The following KIF1B variants were observed in gnomAD, a reference collection of about 807,000 sequenced individuals.
KIF1B encodes kinesin family member 1B, also known as kinesin-like protein KIF1B.
In KIF1B, 76 loss-of-function variants were observed where a neutral mutation model predicts 241.9. The ratio of observed to expected loss-of-function variants is 0.31; its 90% CI spans 0.26 to 0.38. The LOEUF is 0.38. Among genes scored for constraint, KIF1B ranks in the 10% least tolerant of loss-of-function variants. The probability of loss-of-function intolerance (pLI) is 1.00; values close to 1 mark genes in which losing one functional copy is unlikely to be tolerated. For missense variants in KIF1B, 1,622 were observed against 2,271.4 expected (o/e 0.71, Z 5.81); for synonymous variants, 750 against 796.7 (o/e 0.94, Z 0.99).
intron 4 of KIF1B, among the ~76,000 whole-genome samples, chr1:10,260,605 C>A (rs1010609034): frequency 6.6e-6 from 1 of 152,164 alleles, no homozygotes; most frequent in Non-Finnish European, 1.5e-5. Context: ...TGGCTCATGC[C>A]TGTAATCCCA....
At chr1:10,371,073 C>A (rs1638718876) in intron 44 of KIF1B, 68 bp from the exon 45 acceptor site, 1 of 1,600,462 alleles carries the variant, frequency 6.2e-7, no homozygotes, top group Non-Finnish European at 8.6e-7. Flanking sequence ...TGTTGAAACT[C>A]CCTATTGTTA....
intron 45 of KIF1B, among the ~76,000 whole-genome samples, chr1:10,371,982 A>G (rs1638746130): frequency 6.6e-6 from 1 of 152,166 alleles, no homozygotes; most frequent in Admixed American, 6.5e-5. Flanking sequence ...TCCATGATTC[A>G]TCATCATAAT....
intron 16 of KIF1B, 134 bp downstream of exon 16, chr1:10,291,295 T>G: frequency 1.5e-6 from 1 of 658,018 alleles, no homozygotes; most frequent in Middle Eastern, 4.1e-4. Flanking sequence ...ACCAAAAAAA[T>G]GGACAGGGAT....
At position 10,365,005 on chromosome 1, in the gene KIF1B, C is replaced by CA. The variant is rs57088720; in HGVS notation, c.4367-79dup. On this transcript the variant is annotated intron_variant, in intron 41 of 48. Coordinates refer to ENST00000676179, the MANE Select transcript of KIF1B (RefSeq NM_001365951.3). The surrounding 1 kb of genome is among the most constrained non-coding windows in gnomAD (Gnocchi z 4.0). ...TGGGCAACAGAGCGAGACTCCATCT[C>CA]AAAAAAAAAAAAAAAAGAATTATTA... 0.25 allele frequency: 210,665 copies of CA among 842,046 alleles called. 9,833 individuals are homozygous for CA. Among genetic ancestry groups the CA allele is most frequent in the African/African-American group, 0.58 (27,522 of 47,694 alleles). The allele number at this position is 842,046 out of a possible 1,614,324, so 52.2% of individuals were successfully genotyped here. A position where few individuals can be genotyped will look rare whatever the true frequency, so the allele number is the denominator to read the frequency against.
intron 48 of KIF1B, among the ~76,000 whole-genome samples, chr1:10,376,021 T>C (rs1419340960): frequency 6.6e-6 from 1 of 151,750 alleles, no homozygotes; most frequent in African/African-American, 2.4e-5. Context: ...CAGGCTGGTC[T>C]TGAACTCCTG....
At chr1:10,274,507 T>A (rs1433231485) in intron 10 of KIF1B, among the ~76,000 whole-genome samples, 1 of 152,188 alleles carries the variant, frequency 6.6e-6, no homozygotes, top group African/African-American at 2.4e-5. Flanking sequence ...TTACTTTTAG[T>A]CTTTGCTTTA....
At chr1:10,360,527 A>T (rs1557736303) in intron 38 of KIF1B, among the ~76,000 whole-genome samples, 1 of 152,106 alleles carries the variant, frequency 6.6e-6, no homozygotes, top group African/African-American at 2.4e-5. Flanking sequence ...TCTACTAAAA[A>T]TACAAAAATT....
Position 10,379,941 on chromosome 1 carries a change from GC to G in KIF1B, c.*3355del, listed in dbSNP as rs1432804949. 1.7e-5 allele frequency: 4 copies of G among 229,412 alleles called. No homozygotes were observed. Among genetic ancestry groups the G allele is most frequent in the Admixed American group, 5.7e-5 (1 of 17,622 alleles). The allele number at this position is 229,412 out of a possible 1,614,324, so 14.2% of individuals were successfully genotyped here. On this transcript the variant is annotated 3_prime_UTR_variant, in exon 49 of 49. Transcript: ENST00000676179. Reference sequence around the variant, plus strand: ...TGAGCCCCAGCTCGTTGTTAAACGTGCTGACGGCAAGGGGCAATGGAGTGAG... The same window carrying G: ...TGAGCCCCAGCTCGTTGTTAAACGTGTGACGGCAAGGGGCAATGGAGTGAG...
chr1:10,381,410 A>C lies in KIF1B; in HGVS notation c.*4823A>C, dbSNP rs1458540795. 9.3e-6 allele frequency: 2 copies of C among 215,130 alleles called. No individual in the cohort carries two copies. The allele number at this position is 215,130 out of a possible 1,614,324, so 13.3% of individuals were successfully genotyped here. ...TTCATTTTCATGTTTTATTTTGTAAATATTATCTGATGTTTGGAGCTTGAG... is the reference window on the plus strand; with the variant it reads ...TTCATTTTCATGTTTTATTTTGTAACTATTATCTGATGTTTGGAGCTTGAG... On this transcript the variant is annotated 3_prime_UTR_variant, in exon 49 of 49. Coordinates refer to ENST00000676179, the MANE Select transcript of KIF1B (RefSeq NM_001365951.3).
At chr1:10,279,824 G>A (rs1212318550) in intron 14 of KIF1B, among the ~76,000 whole-genome samples, 1 of 148,810 alleles carries the variant, frequency 6.7e-6, no homozygotes, top group Admixed American at 6.8e-5. Context: ...AGCCTCCTGA[G>A]TATCTGAGAC....
intron 37 of KIF1B, among the ~76,000 whole-genome samples, chr1:10,349,657 G>A (rs1006311787): frequency 6.6e-6 from 1 of 150,992 alleles, no homozygotes; most frequent in African/African-American, 2.4e-5. Context: ...AGCATTTTGA[G>A]TAAGAGAGTC....
intron 1 of KIF1B, among the ~76,000 whole-genome samples, chr1:10,223,292 C>A (rs2102107141): frequency 6.6e-6 from 1 of 152,148 alleles, no homozygotes; most frequent in Non-Finnish European, 1.5e-5. Flanking sequence ...CAAAAAGCAC[C>A]TCTGTAAAAT....
intron 1 of KIF1B, among the ~76,000 whole-genome samples, chr1:10,217,067 G>A (rs897296045): frequency 2.9e-5 from 4 of 135,990 alleles, no homozygotes; most frequent in South Asian, 2.5e-4. Flanking sequence ...TCTGCCTCCC[G>A]GATTCAAGTG....
chr1:10,335,139 A>G (rs1652117167), intron 28 of KIF1B, among the ~76,000 whole-genome samples: 4 of 152,150 alleles, frequency 2.6e-5, no homozygotes, highest in Admixed American at 2.6e-4. Flanking sequence ...TTGGGGTCTC[A>G]TTATGCTGCC....
intron 22 of KIF1B, among the ~76,000 whole-genome samples, chr1:10,315,603 G>C (rs1249294397): frequency 4.6e-5 from 7 of 151,544 alleles, no homozygotes; most frequent in Non-Finnish European, 1.0e-4. Flanking sequence ...AGGAAAGAGA[G>C]TGTTTTAATC....
At chr1:10,254,453 A>G (rs945204016) in intron 2 of KIF1B, among the ~76,000 whole-genome samples, 10 of 152,208 alleles carry the variant, frequency 6.6e-5, no homozygotes, top group Non-Finnish European at 1.3e-4. Flanking sequence ...ACTATATACT[A>G]CATTACATAA....
At chr1:10,340,213 G>C (rs906695661) in intron 32 of KIF1B, among the ~76,000 whole-genome samples, 1 of 152,142 alleles carries the variant, frequency 6.6e-6, no homozygotes, top group East Asian at 1.9e-4. Flanking sequence ...TATGTTGCTC[G>C]ATTGCAAATA....
chr1:10,309,448 A>C (rs894592582), intron 22 of KIF1B, among the ~76,000 whole-genome samples: 12 of 147,196 alleles, frequency 8.2e-5, no homozygotes, highest in Non-Finnish European at 1.5e-4. Context: ...GCTGGTGGTG[A>C]GAAGCGAAGT....
At chr1:10,356,901 A>G (rs1638266150) in intron 38 of KIF1B, among the ~76,000 whole-genome samples, 1 of 53,100 alleles carries the variant, frequency 1.9e-5, no homozygotes, top group African/African-American at 9.0e-5. Flanking sequence ...TCCGTCTCTA[A>G]ATAAATAAAT....
Sources: gnomAD v4.1 joint callset for allele counts (sites outside exome capture counted in the v4.1 genomes callset) on GRCh38, gnomAD v4.1.1 for gene constraint, Gnocchi (gnomAD v3.1) non-coding constraint, MANE v1.5 for transcripts, NCBI Gene and HGNC (gene_info 2026-07-23, HGNC 2026-07-21) for gene names.